TNFRSF11B: variants seen among roughly 807,000 people sequenced by gnomAD.
TNFRSF11B encodes the protein TNF receptor superfamily member 11b.
A neutral mutation model predicts 43.4 loss-of-function variants in TNFRSF11B; 16 were observed. That is an observed-to-expected ratio of 0.37 (90% CI 0.25 to 0.56). TNFRSF11B has a LOEUF of 0.56. TNFRSF11B is among the 20% of genes least tolerant of loss of function. The pLI, the probability that TNFRSF11B is intolerant of heterozygous loss-of-function variation, is 0.80. For synonymous variants in TNFRSF11B, 185 were observed against 181.8 expected (o/e 1.02, Z -0.14); for missense variants, 444 against 490.1 (o/e 0.91, Z 0.89).
intron 2 of TNFRSF11B, 68 bp downstream of exon 2, chr8:118,932,863 C>T: frequency 6.2e-7 from 1 of 1,602,522 alleles, no homozygotes; most frequent in Non-Finnish European, 8.5e-7. Context: ...CAAAAGTGTT[C>T]TCCTAAACTG....
chr8:118,947,717 A>C lies in TNFRSF11B; in HGVS notation c.30+4075T>G, dbSNP rs148558861. Among the ~76,000 whole-genome samples the C allele has an allele frequency of 2.6e-4, 39 of 152,358 alleles. No individual in the cohort carries two copies. In the East Asian group the frequency reaches 6.6e-3, roughly 26 times the overall value. ...ATTTTTCAGGAATTTAACAAGATAA[A>C]TTTGATAGAAGATTATTAAAATTTG... On this transcript the variant is annotated intron_variant, in intron 1 of 4. Transcript: ENST00000297350.
At chr8:118,940,712 C>A (rs1812473841) in intron 1 of TNFRSF11B, among the ~76,000 whole-genome samples, 1 of 152,086 alleles carries the variant, frequency 6.6e-6, no homozygotes, top group Non-Finnish European at 1.5e-5. Flanking sequence ...AAGTAAGACA[C>A]CTAAATTGTG....
rs767538379 is a variant in TNFRSF11B, at chr8:118,933,127, G to C, written c.204C>G (p.His68Gln). 1.9e-6 allele frequency: 3 copies of C among 1,614,222 alleles called. No individual in the cohort carries two copies. Among genetic ancestry groups the C allele is most frequent in the Non-Finnish European group, 2.5e-6 (3 of 1,180,050 alleles). ...TGGTGTGCCAGCTGTCTGTGTAGTA[G>C]TGGTCAGGGCAAGGGGCGCACACGG... ...WKTVCAPCPDHYYTDSWHTSD... is the reference protein window; with the variant it reads ...WKTVCAPCPDQYYTDSWHTSD... The change falls in exon 2 of 5, where the codon CAC becomes CAG. Residue 68 changes from histidine to glutamine, a missense_variant. Physicochemically the swap from His to Gln is conservative, Grantham distance 24 (BLOSUM62 0). Coordinates refer to ENST00000297350, the MANE Select transcript of TNFRSF11B (RefSeq NM_002546.4).
At chr8:118,944,908 G>T (rs533431744) in intron 1 of TNFRSF11B, among the ~76,000 whole-genome samples, 20 of 152,276 alleles carry the variant, frequency 1.3e-4, no homozygotes, top group African/African-American at 4.8e-4. Flanking sequence ...CTGAGGGGAT[G>T]TCTTGAACCT....
chr8:118,944,494 C>A (rs1812530970), intron 1 of TNFRSF11B, among the ~76,000 whole-genome samples: 1 of 152,138 alleles, frequency 6.6e-6, no homozygotes, highest in South Asian at 2.1e-4. Flanking sequence ...TCCCACCAAG[C>A]TTCTGGAAGG....
intron 1 of TNFRSF11B, among the ~76,000 whole-genome samples, chr8:118,940,830 T>C (rs1289327696): frequency 6.6e-6 from 1 of 152,204 alleles, no homozygotes; most frequent in Admixed American, 6.5e-5. Context: ...TTTCTTGGTG[T>C]AGAACAAATG....
In TNFRSF11B at chr8:118,924,567, T is replaced by C; in HGVS notation, c.1013A>G (p.Asp338Gly). Residue 338 changes from aspartate to glycine, a missense_variant, in exon 5 of 5, where the codon GAC becomes GGC. Transcript: ENST00000297350. ...CATTAGGCCCTTCAAGGTGTCTTGG[T>C]CGCCATTTTTTATTCGCCACAAACT... ...LLSLWRIKNG[D>G]QDTLKGLMHA... The C allele has an allele frequency of 6.2e-7, 1 of 1,614,230 alleles. No individual in the cohort carries two copies. The highest frequency in any genetic ancestry group is 8.5e-7 in the Non-Finnish European group (1 of 1,180,040).
chr8:118,929,158 C>T (rs768331463), intron 2 of TNFRSF11B: 19 of 555,130 alleles, frequency 3.4e-5, no homozygotes, highest in Admixed American at 1.9e-4. Flanking sequence ...TCAATTTTCT[C>T]GTTACCTACA....
intron 1 of TNFRSF11B, among the ~76,000 whole-genome samples, chr8:118,941,144 A>G (rs1812478822): frequency 6.6e-6 from 1 of 152,194 alleles, no homozygotes. Flanking sequence ...TTTTTAAAGC[A>G]TCTTTCATCT....
intron 1 of TNFRSF11B, among the ~76,000 whole-genome samples, chr8:118,939,247 C>T (rs182428660): frequency 6.6e-6 from 1 of 152,286 alleles, no homozygotes; most frequent in East Asian, 1.9e-4. Flanking sequence ...CTCCTCTCCC[C>T]TTTTCCTCCA....
chr8:118,928,104 A>G (rs1357469128), intron 3 of TNFRSF11B, among the ~76,000 whole-genome samples: 1 of 151,328 alleles, frequency 6.6e-6, no homozygotes, highest in Non-Finnish European at 1.5e-5. Context: ...GCTCACTGCA[A>G]CCTCCATCTC....
chr8:118,936,604 C>A (rs970971669), intron 1 of TNFRSF11B, among the ~76,000 whole-genome samples: 1 of 152,060 alleles, frequency 6.6e-6, no homozygotes, highest in South Asian at 2.1e-4. Context: ...AGCTCCTTTG[C>A]CACTTGATAA....
At chr8:118,940,275 C>G (rs1812466635) in intron 1 of TNFRSF11B, among the ~76,000 whole-genome samples, 1 of 152,064 alleles carries the variant, frequency 6.6e-6, no homozygotes, top group Non-Finnish European at 1.5e-5. Context: ...CGCATGTATA[C>G]CTATGTATCA....
chr8:118,935,817 C>T (rs528691765), intron 1 of TNFRSF11B, among the ~76,000 whole-genome samples: 12 of 151,936 alleles, frequency 7.9e-5, no homozygotes, highest in African/African-American at 2.7e-4. Flanking sequence ...AGAGGGATTC[C>T]TTTATCTTGA....
At chr8:118,924,789 T>C in intron 4 of TNFRSF11B, 27 bp from the exon 5 acceptor site, 3 of 1,613,852 alleles carry the variant, frequency 1.9e-6, no homozygotes, top group Non-Finnish European at 2.5e-6. Flanking sequence ...CCCAGATAAG[T>C]GTTCACATCA....
At chr8:118,950,336 C>T (rs543329885) in intron 1 of TNFRSF11B, among the ~76,000 whole-genome samples, 63 of 152,240 alleles carry the variant, frequency 4.1e-4, no homozygotes, top group Non-Finnish European at 8.4e-4. Flanking sequence ...GCAATGACAA[C>T]GGACAAATTA....
intron 1 of TNFRSF11B, among the ~76,000 whole-genome samples, chr8:118,946,968 C>T (rs1812572845): frequency 1.3e-5 from 2 of 152,148 alleles, no homozygotes; most frequent in Admixed American, 6.6e-5. Flanking sequence ...CAGTAGATAG[C>T]ACACAGTCCC....
rs11573831 is a variant in TNFRSF11B, at chr8:118,947,355, A to G, written c.30+4437T>C. 1.8e-3 allele frequency among the ~76,000 whole-genome samples: 268 copies of G among 152,274 alleles called. 8 individuals carry two copies. The East Asian group carries it at 0.046, about 26-fold the overall frequency. The stretch of plus-strand genomic sequence containing the variant: ...CTTTATAGCTCCTTTAACTCAGGAA[A>G]CACACCTTATTGTCATGCATTATGG... On this transcript the variant is annotated intron_variant, in intron 1 of 4. Coordinates refer to ENST00000297350, the MANE Select transcript of TNFRSF11B (RefSeq NM_002546.4).
At chr8:118,950,577 C>T (rs1034823735) in intron 1 of TNFRSF11B, among the ~76,000 whole-genome samples, 2 of 152,192 alleles carry the variant, frequency 1.3e-5, no homozygotes, top group African/African-American at 4.8e-5. Context: ...CAAGTGCTCA[C>T]TTAGAAAAAC....
Sources: gnomAD v4.1 joint callset for allele counts (sites outside exome capture counted in the v4.1 genomes callset) on GRCh38, gnomAD v4.1.1 for gene constraint, MANE v1.5 for transcripts, NCBI Gene and HGNC (gene_info 2026-07-23, HGNC 2026-07-21) for gene names.